The following IGSF21 variants were observed in gnomAD, a reference collection of about 807,000 sequenced individuals.
IGSF21 encodes immunoglobulin superfamily member 21.
In IGSF21, 28 loss-of-function variants were observed where a neutral mutation model predicts 46.8. That is an observed-to-expected ratio of 0.60 (90% CI 0.44 to 0.82). IGSF21 has a LOEUF of 0.82. Among genes scored for constraint, IGSF21 ranks in the 40% least tolerant of loss-of-function variants. The pLI is 0.00. For missense variants in IGSF21, 624 were observed against 665.5 expected, an observed-to-expected ratio of 0.94 and a Z score of 0.69; for synonymous variants, 284 against 273.6, an observed-to-expected ratio of 1.04 and a Z score of -0.38.
chr1:18,314,794 G>A (rs1024532595), intron 3 of IGSF21, among the ~76,000 whole-genome samples: 3 of 152,174 alleles, frequency 2.0e-5, no homozygotes, highest in African/African-American at 7.2e-5. Context: ...TATTTCTTGA[G>A]CGGTGGGAGG....
At chr1:18,216,895 GA>G in intron 1 of IGSF21, among the ~76,000 whole-genome samples, 1 of 152,286 alleles carries the variant, frequency 6.6e-6, no homozygotes, top group African/African-American at 2.4e-5. Flanking sequence ...TGTAGCACTG[GA>G]ACCCAGGGAG....
chr1:18,119,719 A>G (rs983820444), intron 1 of IGSF21, among the ~76,000 whole-genome samples: 3 of 151,710 alleles, frequency 2.0e-5, no homozygotes, highest in Non-Finnish European at 4.4e-5. Flanking sequence ...TGGGGCAACA[A>G]GCCTCCAGCG....
At chr1:18,191,923 GC>G (rs2086961323) in intron 1 of IGSF21, among the ~76,000 whole-genome samples, 1 of 152,106 alleles carries the variant, frequency 6.6e-6, no homozygotes, top group Non-Finnish European at 1.5e-5. Context: ...GAAGGCGCTG[GC>G]CCTGCCTGAC....
chr1:18,187,025 A>G (rs1409477019), intron 1 of IGSF21, among the ~76,000 whole-genome samples: 2 of 152,132 alleles, frequency 1.3e-5, no homozygotes, highest in East Asian at 3.8e-4. Context: ...CCATAAAGGC[A>G]AGCTCGGGCT....
At chr1:18,291,837 C>T (rs779707586) in intron 2 of IGSF21, 29 bp from the exon 3 acceptor site, 32 of 1,611,056 alleles carry the variant, frequency 2.0e-5, no homozygotes, top group Admixed American at 8.4e-5. Flanking sequence ...TGAGCACTCA[C>T]GTGTGGCTAT....
chr1:18,176,590 C>G (rs767608837), intron 1 of IGSF21, among the ~76,000 whole-genome samples: 16 of 152,122 alleles, frequency 1.1e-4, no homozygotes, highest in African/African-American at 3.6e-4. Flanking sequence ...AAGGAGTAAG[C>G]CTTTTCACAC....
chr1:18,215,094 C>T (rs1232483634), intron 1 of IGSF21, among the ~76,000 whole-genome samples: 2 of 152,188 alleles, frequency 1.3e-5, no homozygotes, highest in Non-Finnish European at 2.9e-5. Flanking sequence ...CTCACAAGAA[C>T]AGCATGGGAG....
intron 3 of IGSF21, among the ~76,000 whole-genome samples, chr1:18,300,109 C>G (rs1055254719): frequency 1.3e-5 from 2 of 151,954 alleles, no homozygotes; most frequent in Non-Finnish European, 2.9e-5. Flanking sequence ...AACAAGCCAC[C>G]CACTGGTGGT....
At chr1:18,267,698 C>T (rs936443865) in intron 2 of IGSF21, among the ~76,000 whole-genome samples, 1 of 152,246 alleles carries the variant, frequency 6.6e-6, no homozygotes, top group Non-Finnish European at 1.5e-5. Context: ...TAGGTGGAGG[C>T]TGCTTTCCTT....
intron 8 of IGSF21, 75 bp from the exon 9 acceptor site, chr1:18,377,318 G>T: frequency 7.7e-7 from 1 of 1,306,938 alleles, no homozygotes; most frequent in South Asian, 1.2e-5. Flanking sequence ...AGCAGGTGCT[G>T]GGTAAAGGGC....
intron 1 of IGSF21, among the ~76,000 whole-genome samples, chr1:18,199,540 T>C (rs931424476): frequency 3.3e-5 from 5 of 152,076 alleles, no homozygotes; most frequent in Admixed American, 3.3e-4. Flanking sequence ...ACTCCACAGT[T>C]CTCAGCTTCC....
At chr1:18,182,805 C>T (rs964306847) in intron 1 of IGSF21, among the ~76,000 whole-genome samples, 3 of 152,208 alleles carry the variant, frequency 2.0e-5, no homozygotes, top group African/African-American at 7.2e-5. Context: ...GCCAAGGTGC[C>T]TAATGGGGTC....
In IGSF21 at chr1:18,109,199, G is replaced by A. The variant is rs2086119062; in HGVS notation, c.70+1001G>A. Among the ~76,000 whole-genome samples, 1 of 151,994 alleles carries A rather than the reference G, an allele frequency of 6.6e-6. No individual in the cohort carries two copies. The highest frequency in any genetic ancestry group is 1.5e-5 in the Non-Finnish European group (1 of 68,006). On this transcript the variant is annotated intron_variant, in intron 1 of 9. Coordinates refer to ENST00000251296, the MANE Select transcript of IGSF21 (RefSeq NM_032880.5). The surrounding 1 kb of genome is among the most constrained non-coding windows in gnomAD (Gnocchi z 4.8). ...TGAACCCTTTCGCGCAGTGAGCAGA[G>A]AGCCAACGTGAGGCTAAAAGCCAGG...
Position 18,341,076 on chromosome 1 carries a change from TC to T in IGSF21, c.424+6067del, listed in dbSNP as rs2085834208. Among the ~76,000 whole-genome samples the T allele has an allele frequency of 3.0e-5, 3 of 98,368 alleles. No homozygotes were observed. The Admixed American group carries it at 3.5e-4, about 12-fold the overall frequency. 64.5% of individuals were successfully genotyped at this position (98,368 alleles called of 152,430 possible). ...CTCTTCCTCTTCTTCTTCTTCTTCT[TC>T]TCCTCCTCCTCCTCCTCCTTCTCCT... is the stretch of plus-strand genomic sequence containing the variant. On this transcript the variant is annotated intron_variant, in intron 4 of 9. Coordinates refer to ENST00000251296, the MANE Select transcript of IGSF21 (RefSeq NM_032880.5).
At chr1:18,273,485 TTTCTTTCTTTCTTTCTTTC>T (rs2085069876) in intron 2 of IGSF21, among the ~76,000 whole-genome samples, 1 of 100,918 alleles carries the variant, frequency 9.9e-6, no homozygotes, top group South Asian at 2.9e-4. Context: ...TCTTTCTTTC[TTTCTTTCTTTCTTTCTTTC>T]TTTCTTTCTT....
At chr1:18,302,352 A>G (rs1002014608) in intron 3 of IGSF21, among the ~76,000 whole-genome samples, 2 of 152,138 alleles carry the variant, frequency 1.3e-5, no homozygotes, top group South Asian at 4.1e-4. Flanking sequence ...GGCCATGAGC[A>G]GCCCAGACAG....
intron 1 of IGSF21, among the ~76,000 whole-genome samples, chr1:18,171,235 G>A (rs1339950978): frequency 6.6e-6 from 1 of 152,144 alleles, no homozygotes; most frequent in African/African-American, 2.4e-5. Flanking sequence ...TCAGTCCAGA[G>A]AGGAGGCATT....
At chr1:18,253,255 G>GC (rs1486702282) in intron 2 of IGSF21, among the ~76,000 whole-genome samples, 2 of 152,094 alleles carry the variant, frequency 1.3e-5, no homozygotes, top group East Asian at 4.0e-4. Context: ...CAGAGGGCCA[G>GC]GGGGGGCCTC....
chr1:18,287,840 C>A (rs2085230430), intron 2 of IGSF21, among the ~76,000 whole-genome samples: 1 of 152,214 alleles, frequency 6.6e-6, no homozygotes. Context: ...CACCTGCCTC[C>A]CTCTCTGGGT....
Sources: gnomAD v4.1 joint callset for allele counts (sites outside exome capture counted in the v4.1 genomes callset) on GRCh38, gnomAD v4.1.1 for gene constraint, Gnocchi (gnomAD v3.1) non-coding constraint, MANE v1.5 for transcripts, NCBI Gene and HGNC (gene_info 2026-07-23, HGNC 2026-07-21) for gene names.